Variants in STK32A observed in about 807,000 individuals in gnomAD.
STK32A encodes serine/threonine-protein kinase 32A.
STK32A carries 41 observed loss-of-function variants against 53.2 expected under a neutral mutation model. The observed-to-expected ratio is 0.77, with a 90% CI of 0.60 to 1.00. STK32A has a LOEUF of 1.00. STK32A is among the 50% of genes least tolerant of loss of function. The pLI, the probability that STK32A is intolerant of heterozygous loss-of-function variation, is 0.00. For missense variants in STK32A, 458 were observed against 485.8 expected (o/e 0.94, Z 0.54); for synonymous variants, 166 against 162.8 (o/e 1.02, Z -0.15).
intron 5 of STK32A, among the ~76,000 whole-genome samples, chr5:147,333,816 A>G (rs1754989030): frequency 1.3e-5 from 2 of 152,180 alleles, no homozygotes; most frequent in Admixed American, 1.3e-4. Flanking sequence ...AAACATTAAG[A>G]AAGAACAATA....
chr5:147,289,104 G>A (rs1013053025), intron 4 of STK32A, among the ~76,000 whole-genome samples: 1 of 152,048 alleles, frequency 6.6e-6, no homozygotes, highest in African/African-American at 2.4e-5. Flanking sequence ...AGCTGTATGT[G>A]CAGTGTCAAG....
intron 8 of STK32A, among the ~76,000 whole-genome samples, chr5:147,362,159 C>T (rs1425668220): frequency 2.0e-5 from 3 of 152,150 alleles, no homozygotes; most frequent in Non-Finnish European, 2.9e-5. Context: ...AGCAAATATG[C>T]TGAAACATAT....
chr5:147,272,528 G>T (rs1755083360), intron 2 of STK32A, among the ~76,000 whole-genome samples: 1 of 152,188 alleles, frequency 6.6e-6, no homozygotes. Context: ...TATACAGAAA[G>T]GGTTTAACAA....
chr5:147,291,465 C>T (rs1012572880), intron 4 of STK32A, among the ~76,000 whole-genome samples: 1 of 151,492 alleles, frequency 6.6e-6, no homozygotes, highest in African/African-American at 2.4e-5. Context: ...CTCTAGGCTT[C>T]AGAATACCAT....
In STK32A at chr5:147,266,199, T is replaced by C. The variant is rs145493016; in HGVS notation, c.53-11925T>C. On this transcript the variant is annotated intron_variant, in intron 2 of 12. Coordinates refer to ENST00000397936, the MANE Select transcript of STK32A (RefSeq NM_001112724.2). Reference sequence around the variant, plus strand: ...TGCTACAGGGTTTTCATCCATGTCCTCACTTAGGAGAGTTGGCGGTTGTGA... The same window carrying C: ...TGCTACAGGGTTTTCATCCATGTCCCCACTTAGGAGAGTTGGCGGTTGTGA... 2.5e-3 allele frequency among the ~76,000 whole-genome samples: 377 copies of C among 152,336 alleles called. 1 individual carries two copies. The highest frequency in any genetic ancestry group is 8.7e-3 in the African/African-American group (360 of 41,580).
At chr5:147,358,229 A>G (rs1756344893) in intron 7 of STK32A, among the ~76,000 whole-genome samples, 1 of 152,160 alleles carries the variant, frequency 6.6e-6, no homozygotes, top group African/African-American at 2.4e-5. Context: ...AATTTAAACC[A>G]CAGTGAAATA....
intron 4 of STK32A, among the ~76,000 whole-genome samples, chr5:147,316,900 C>G (rs948858881): frequency 7.4e-5 from 11 of 148,384 alleles, no homozygotes; most frequent in African/African-American, 2.0e-4. Flanking sequence ...TTAAACATAC[C>G]TTTCCTATAT....
At chr5:147,394,529 T>C in the STK32A span, among the ~76,000 whole-genome samples, 1 of 152,172 alleles carries the variant, frequency 6.6e-6, no homozygotes, top group African/African-American at 2.4e-5. Flanking sequence ...TTCTGAAAGG[T>C]TAGGTCACTT....
intron 2 of STK32A, among the ~76,000 whole-genome samples, chr5:147,241,271 G>A (rs954172923): frequency 6.6e-6 from 1 of 152,190 alleles, no homozygotes; most frequent in African/African-American, 2.4e-5. Context: ...GAGGTCAGGA[G>A]ATCGAGACCA....
At chr5:147,260,084 C>T (rs1379541768) in intron 2 of STK32A, among the ~76,000 whole-genome samples, 2 of 122,042 alleles carry the variant, frequency 1.6e-5, no homozygotes, top group Non-Finnish European at 3.5e-5. Flanking sequence ...GTCTCTCGCT[C>T]TCCTCTGTCT....
chr5:147,355,236 TCAC>T (rs1479397421), intron 7 of STK32A, among the ~76,000 whole-genome samples: 1 of 152,216 alleles, frequency 6.6e-6, no homozygotes, highest in Non-Finnish European at 1.5e-5. Context: ...TGCCAGTTCT[TCAC>T]CACCTTCCAT....
chr5:147,297,103 T>G (rs1235861895), intron 4 of STK32A, among the ~76,000 whole-genome samples: 1 of 152,216 alleles, frequency 6.6e-6, no homozygotes, highest in Non-Finnish European at 1.5e-5. Context: ...CAAGGTTATG[T>G]CTAAACCAAG....
At chr5:147,313,803 A>T (rs1253789856) in intron 4 of STK32A, among the ~76,000 whole-genome samples, 2 of 152,230 alleles carry the variant, frequency 1.3e-5, no homozygotes, top group Non-Finnish European at 2.9e-5. Context: ...CCAGGGTGCC[A>T]AGAAAATTCA....
At chr5:147,370,071 A>T (rs1017207144) in intron 8 of STK32A, among the ~76,000 whole-genome samples, 2 of 152,022 alleles carry the variant, frequency 1.3e-5, no homozygotes, top group Non-Finnish European at 2.9e-5. Context: ...TTCCCCCAAA[A>T]TTTTTTTTAA....
intron 8 of STK32A, 48 bp from the exon 9 acceptor site, chr5:147,370,606 T>C: frequency 8.0e-7 from 1 of 1,255,660 alleles, no homozygotes; most frequent in Non-Finnish European, 1.1e-6. Flanking sequence ...ATTTTTTTTT[T>C]CTTTTGTCCT....
intron 6 of STK32A, 112 bp from the exon 7 acceptor site, chr5:147,350,953 C>T: frequency 1.2e-6 from 1 of 823,000 alleles, no homozygotes; most frequent in Non-Finnish European, 2.0e-6. Context: ...GGATGGACTG[C>T]AACTGGCCTA....
At chr5:147,245,151 G>A (rs1168381037) in intron 2 of STK32A, among the ~76,000 whole-genome samples, 1 of 152,100 alleles carries the variant, frequency 6.6e-6, no homozygotes, top group Non-Finnish European at 1.5e-5. Flanking sequence ...TTATCCCCCT[G>A]AGGTTATTGT....
chr5:147,238,453 T>A (rs1753417911), intron 1 of STK32A, among the ~76,000 whole-genome samples: 1 of 152,194 alleles, frequency 6.6e-6, no homozygotes, highest in Non-Finnish European at 1.5e-5. Flanking sequence ...GCATTATCAG[T>A]GTCAGTTTTA....
chr5:147,262,841 T>C (rs6895610), intron 2 of STK32A, among the ~76,000 whole-genome samples: 45,004 of 151,826 alleles, frequency 0.3, 7,029 homozygotes, highest in African/African-American at 0.36. Flanking sequence ...AGGTGAGAAA[T>C]AACCAGACCC....
Sources: allele counts gnomAD v4.1 joint callset (sites outside exome capture counted in the v4.1 genomes callset), GRCh38; gene constraint gnomAD v4.1.1; transcripts MANE v1.5; gene names NCBI Gene and HGNC (gene_info 2026-07-23, HGNC 2026-07-21).